The following RFWD3 variants were observed in gnomAD, a reference collection of about 807,000 sequenced individuals.
RFWD3 encodes the protein E3 ubiquitin-protein ligase RFWD3.
In RFWD3, 65 loss-of-function variants were observed where a neutral mutation model predicts 87.7. That is an observed-to-expected ratio of 0.74 (90% confidence interval 0.61 to 0.91). The LOEUF (loss-of-function observed/expected upper bound fraction) is 0.91. Ranked by LOEUF, RFWD3 falls within the 40% of genes least tolerant of loss-of-function variation. The pLI is 0.00. For synonymous variants in RFWD3, 433 were observed against 352.8 expected (o/e 1.23, Z -2.55); for missense variants, 1,078 against 938.5 (o/e 1.15, Z -1.94).
chr16:74,624,178 T>G, intron 12 of RFWD3, 107 bp from the exon 13 acceptor site: 1 of 1,331,588 alleles, frequency 7.5e-7, no homozygotes, highest in Non-Finnish European at 1.0e-6. Context: ...GAACACTACC[T>G]GGAGAGCAAA....
At chr16:74,626,128 A>C (rs1958925391) in intron 12 of RFWD3, among the ~76,000 whole-genome samples, 2 of 152,344 alleles carry the variant, frequency 1.3e-5, no homozygotes, top group South Asian at 4.1e-4. Flanking sequence ...TAGAGGTTGC[A>C]GCAGTTCAGT....
intron 1 of RFWD3, among the ~76,000 whole-genome samples, chr16:74,661,905 A>G (rs2144363117): frequency 6.6e-6 from 1 of 152,332 alleles, no homozygotes. Flanking sequence ...GAGAAAGGAC[A>G]TTTTTTACAC....
intron 6 of RFWD3, among the ~76,000 whole-genome samples, chr16:74,640,635 C>A (rs1001121556): frequency 6.6e-6 from 1 of 150,838 alleles, no homozygotes; most frequent in Admixed American, 6.6e-5. Flanking sequence ...AGAGCAAGAC[C>A]CTGTCTTTAA....
chr16:74,660,827 A>C (rs1961367080), intron 2 of RFWD3, 105 bp downstream of exon 2: 2 of 1,309,654 alleles, frequency 1.5e-6, no homozygotes, highest in Admixed American at 4.5e-5. Flanking sequence ...GTCAGAAGTT[A>C]CCTGACTTGC....
chr16:74,628,492 T>C lies in RFWD3; in HGVS notation c.1929A>G (p.Thr643=), dbSNP rs1230798383. ...CAAGACAGTGCCGGGAGCTGTTCTC[T>C]GTCTGAAAGTCTATGCAGCCCCCTG... The part of the protein sequence containing the change: ...LEPGGCIDFQ[T]ENSSRHCLVT... The change falls in exon 11 of 13, where the codon ACA becomes ACG. Residue 643 remains threonine, a synonymous_variant. Coordinates refer to ENST00000361070, the MANE Select transcript of RFWD3 (RefSeq NM_018124.4). The C allele has an allele frequency of 1.2e-6, 2 of 1,614,092 alleles. No individual in the cohort carries two copies. The highest frequency in any genetic ancestry group is 2.2e-5 in the East Asian group (1 of 44,896).
intron 10 of RFWD3, among the ~76,000 whole-genome samples, chr16:74,629,965 C>A (rs77288344): frequency 6.6e-6 from 1 of 152,096 alleles, no homozygotes; most frequent in African/African-American, 2.4e-5. Flanking sequence ...AATCTCATAA[C>A]TGGATTAAAT....
intron 1 of RFWD3, among the ~76,000 whole-genome samples, chr16:74,666,064 G>T (rs968560708): frequency 6.6e-6 from 1 of 151,990 alleles, no homozygotes; most frequent in South Asian, 2.1e-4. Context: ...GAGAGGCGGA[G>T]GGGGAAGAGG....
intron 7 of RFWD3, among the ~76,000 whole-genome samples, chr16:74,637,599 C>T (rs1039478939): frequency 6.6e-6 from 1 of 152,112 alleles, no homozygotes; most frequent in Non-Finnish European, 1.5e-5. Context: ...CATCACTGCA[C>T]TCCAGCCTAG....
rs377304819 is a variant in RFWD3 at position 74,630,819 on chromosome 16, C to T, written c.1716G>A (p.Thr572=). ...CTACTAACTCCTGCACATGACTGCT[C>T]GTGTTTCGCACGTCATATACCAGAA... ...GSILVYDVRN[T]SSHVQELVAQ... is the part of the protein sequence containing the mutation. The change falls in exon 10 of 13, where the codon ACG becomes ACA. Residue 572 remains threonine, a synonymous_variant. Coordinates refer to ENST00000361070, the MANE Select transcript of RFWD3 (RefSeq NM_018124.4). 4.3e-6 allele frequency: 7 copies of T among 1,612,772 alleles called. No individual in the cohort carries two copies. The highest frequency in any genetic ancestry group is 2.2e-5 in the South Asian group (2 of 90,870).
chr16:74,641,631 T>A (rs558541446), intron 6 of RFWD3, among the ~76,000 whole-genome samples: 18 of 151,978 alleles, frequency 1.2e-4, no homozygotes, highest in African/African-American at 2.9e-4. Flanking sequence ...GCATACAGTA[T>A]AAAAACTTTC....
intron 9 of RFWD3, among the ~76,000 whole-genome samples, chr16:74,631,413 C>T (rs1366056962): frequency 7.9e-5 from 12 of 151,798 alleles, no homozygotes; most frequent in Non-Finnish European, 1.5e-4. Flanking sequence ...GCGGAAGTTG[C>T]AGTGAGCTAA....
At chr16:74,653,525 A>G (rs1243325168) in intron 2 of RFWD3, among the ~76,000 whole-genome samples, 1 of 152,074 alleles carries the variant, frequency 6.6e-6, no homozygotes. Context: ...TAAAAATTTA[A>G]AAAATGGCTG....
At chr16:74,664,388 A>C (rs957367765) in intron 1 of RFWD3, 1 of 152,284 alleles carries the variant, frequency 6.6e-6, no homozygotes, top group African/African-American at 2.4e-5. Flanking sequence ...AAAGGGGAGA[A>C]ATGGACTAAA....
chr16:74,663,405 A>G (rs1226513219), intron 1 of RFWD3, among the ~76,000 whole-genome samples: 1 of 152,212 alleles, frequency 6.6e-6, no homozygotes, highest in Non-Finnish European at 1.5e-5. Flanking sequence ...GGAAGGAACA[A>G]TTGAGTGTCA....
intron 11 of RFWD3, among the ~76,000 whole-genome samples, chr16:74,627,206 G>A (rs1462057764): frequency 1.3e-5 from 2 of 152,302 alleles, no homozygotes; most frequent in Non-Finnish European, 2.9e-5. Context: ...GCAGAAGTGT[G>A]AGCATTTAAT....
chr16:74,664,937 A>G lies in RFWD3; in HGVS notation c.-3+1849T>C, dbSNP rs554353160. ...TGAAGCTTCCTAACCACTGTAGGCCAGTCGGAGGTGCCTAGAACGAGAGAC... is the reference window on the plus strand; with the variant it reads ...TGAAGCTTCCTAACCACTGTAGGCCGGTCGGAGGTGCCTAGAACGAGAGAC... On this transcript the variant is annotated intron_variant, in intron 1 of 12. Transcript: ENST00000361070. Among the ~76,000 whole-genome samples, 6 of 152,296 alleles carry G rather than the reference A, an allele frequency of 3.9e-5. No individual in the cohort carries two copies. In the East Asian group the frequency reaches 1.2e-3, roughly 29 times the overall value.
rs1291186908 is a variant in RFWD3 at position 74,630,803 on chromosome 16, C to T, written c.1732G>A (p.Glu578Lys). Reference sequence around the variant, plus strand: ...TACCTGGCTTTCTGAGCTACTAACTCCTGCACATGACTGCTCGTGTTTCGC... The same window carrying T: ...TACCTGGCTTTCTGAGCTACTAACTTCTGCACATGACTGCTCGTGTTTCGC... ...DVRNTSSHVQELVAQKARCPL... is the reference protein window; with the variant it reads ...DVRNTSSHVQKLVAQKARCPL... Residue 578 changes from glutamate to lysine, a missense_variant, in exon 10 of 13, where the codon GAG (glutamate) becomes AAG (lysine). Physicochemically the swap from Glu to Lys is moderately conservative, Grantham distance 56. Transcript: ENST00000361070. 4 of 1,608,602 alleles carry T rather than the reference C, an allele frequency of 2.5e-6. No homozygotes were observed. The highest frequency in any genetic ancestry group is 2.3e-5 in the East Asian group (1 of 44,420).
At chr16:74,631,372 T>G (rs1356356855) in intron 9 of RFWD3, among the ~76,000 whole-genome samples, 1 of 152,016 alleles carries the variant, frequency 6.6e-6, no homozygotes, top group African/African-American at 2.4e-5. Context: ...CTCGGGAGGC[T>G]GAGGCAGGAG....
In RFWD3 at chr16:74,656,037, T is replaced by C. The variant is rs529475421; in HGVS notation, c.519-3915A>G. ...TCATGTCTGTTAATATAACATATTC[T>C]GCAGCCCAACTTTCAAGACTTATTA... On this transcript the variant is annotated intron_variant, in intron 2 of 12. Transcript: ENST00000361070. 2.0e-5 allele frequency among the ~76,000 whole-genome samples: 3 copies of C among 152,294 alleles called. No individual in the cohort carries two copies. In the South Asian group the frequency reaches 6.2e-4, roughly 32 times the overall value.
Sources: gnomAD v4.1 joint callset for allele counts (sites outside exome capture counted in the v4.1 genomes callset) on GRCh38, gnomAD v4.1.1 for gene constraint, MANE v1.5 for transcripts, NCBI Gene and HGNC (gene_info 2026-07-23, HGNC 2026-07-21) for gene names.